Variants in ECRG4 observed in about 807,000 individuals in gnomAD.
ECRG4 encodes the protein augurin.
A neutral mutation model predicts 15.8 loss-of-function variants in ECRG4; 18 were observed. The ratio of observed to expected loss-of-function variants is 1.14; its 90% CI spans 0.79 to 1.69. The LOEUF (loss-of-function observed/expected upper bound fraction) is 1.69. Among genes scored for constraint, ECRG4 ranks in the 40% most tolerant of loss-of-function variants. The pLI, the probability that ECRG4 is intolerant of heterozygous loss-of-function variation, is 0.00. For synonymous variants in ECRG4, 82 were observed against 73.9 expected, an observed-to-expected ratio of 1.11 and a Z score of -0.56; for missense variants, 200 against 190.9, an observed-to-expected ratio of 1.05 and a Z score of -0.28.
intron 2 of ECRG4, 117 bp from the exon 3 acceptor site, chr2:106,073,769 A>T: frequency 8.4e-7 from 1 of 1,188,008 alleles, no homozygotes; most frequent in South Asian, 1.4e-5. Context: ...AATGAAGTTG[A>T]GAGTCAAAAC....
At chr2:106,077,530 C>T (rs1676511586) in intron 3 of ECRG4, among the ~76,000 whole-genome samples, 1 of 152,126 alleles carries the variant, frequency 6.6e-6, no homozygotes, top group Non-Finnish European at 1.5e-5. Context: ...AAATATTTTA[C>T]AAAAGTTTGC....
intron 2 of ECRG4, 57 bp downstream of exon 2, chr2:106,071,948 G>C: frequency 4.9e-6 from 7 of 1,440,450 alleles, no homozygotes; most frequent in African/African-American, 1.4e-5. Flanking sequence ...AAATGAAATG[G>C]CAATATGGAT....
chr2:106,065,454 C>T (rs1280528009), upstream of ECRG4, among the ~76,000 whole-genome samples: 1 of 152,220 alleles, frequency 6.6e-6, no homozygotes, highest in Non-Finnish European at 1.5e-5. Flanking sequence ...CTGCGGGCAG[C>T]GCTGGCCACG....
chr2:106,071,024 G>A lies in ECRG4; in HGVS notation c.80-820G>A, dbSNP rs191065733. ...AGACAAGGTATTTTCTATTAAAAAT[G>A]ATTGAGCTGATCAGAAACACTTTTA... is the stretch of plus-strand genomic sequence containing the variant. On this transcript the variant is annotated intron_variant, in intron 1 of 3. Transcript: ENST00000238044. 6.0e-4 allele frequency: 283 copies of A among 471,144 alleles called. 1 individual carries two copies. Among genetic ancestry groups the A allele is most frequent in the African/African-American group, 4.7e-3 (238 of 50,192 alleles). The allele number at this position is 471,144 out of a possible 1,614,324, so 29.2% of individuals were successfully genotyped here.
In ECRG4 at chr2:106,078,053, T is replaced by C; in HGVS notation, c.*127T>C. 2 of 865,972 alleles carry C rather than the reference T, an allele frequency of 2.3e-6. No homozygotes were observed. The highest frequency in any genetic ancestry group is 5.7e-5 in the South Asian group (2 of 34,792). The allele number at this position is 865,972 out of a possible 1,614,324, so 53.6% of individuals were successfully genotyped here. The stretch of plus-strand genomic sequence containing the variant: ...GATCTTTTCTACCTACTTTGTGTGA[T>C]CAAAAAAGAAGAGTTAAAACAACAC... On this transcript the variant is annotated 3_prime_UTR_variant, in exon 4 of 4. Transcript: ENST00000238044.
chr2:106,064,341 G>C (rs964663281), upstream of ECRG4: 2 of 152,188 alleles, frequency 1.3e-5, no homozygotes, highest in Non-Finnish European at 2.9e-5. Flanking sequence ...ATTGCATGGA[G>C]AGCTAATTAT....
intron 1 of ECRG4, 73 bp downstream of exon 1, chr2:106,065,916 C>G (rs1676202575): frequency 8.5e-6 from 11 of 1,299,558 alleles, no homozygotes; most frequent in Non-Finnish European, 1.1e-5. Flanking sequence ...CCATGGTGCC[C>G]GGGGAGAGCG....
upstream of ECRG4, among the ~76,000 whole-genome samples, chr2:106,063,700 A>T (rs1676147787): frequency 6.6e-6 from 1 of 152,174 alleles, no homozygotes; most frequent in Non-Finnish European, 1.5e-5. Flanking sequence ...CTCCTGCCTC[A>T]GCCTCCCAAG....
Position 106,077,876 on chromosome 2 carries a change from A to G in ECRG4, c.397A>G (p.Ser133Gly). The change falls in exon 4 of 4, where the codon AGC (serine) becomes GGC (glycine). Residue 133 changes from serine to glycine, a missense_variant. Ser to Gly is a moderately conservative substitution (Grantham distance 56). Coordinates refer to ENST00000238044, the MANE Select transcript of ECRG4 (RefSeq NM_032411.3). ...TGAAGACTCTGCAATTGGTCCCCGG[A>G]GCCCCTACGGCTTTAGGCATGGAGC... ...YDEDSAIGPR[S>G]PYGFRHGASV... 2 of 1,614,182 alleles carry G rather than the reference A, an allele frequency of 1.2e-6. No homozygotes were observed. Among genetic ancestry groups the G allele is most frequent in the Non-Finnish European group, 1.7e-6 (2 of 1,180,036 alleles).
At chr2:106,063,880 C>T (rs1422522282), upstream of ECRG4, among the ~76,000 whole-genome samples, 1 of 152,310 alleles carries the variant, frequency 6.6e-6, no homozygotes, top group Non-Finnish European at 1.5e-5. Context: ...CCATGATCCC[C>T]CTTAAGTGAA....
Position 106,077,801 on chromosome 2 carries a change from G to A in ECRG4, c.322G>A (p.Asp108Asn). 6.2e-7 allele frequency: 1 copy of A among 1,614,050 alleles called. No homozygotes were observed. Among genetic ancestry groups the A allele is most frequent in the Non-Finnish European group, 8.5e-7 (1 of 1,179,988 alleles). The change falls in exon 4 of 4, where the codon GAT becomes AAT. Residue 108 changes from aspartate (D) to asparagine (N), a missense_variant. Transcript: ENST00000238044. ...TGACATCACCTATTGGCTTAACAGAGATCGAAATGGACATGAATACTATGG... is the reference window on the plus strand; with the variant it reads ...TGACATCACCTATTGGCTTAACAGAAATCGAAATGGACATGAATACTATGG... ...EDDITYWLNRDRNGHEYYGDY... is the reference protein window; with the variant it reads ...EDDITYWLNRNRNGHEYYGDY...
chr2:106,072,302 C>T (rs1676387102), intron 2 of ECRG4: 1 of 165,420 alleles, frequency 6.0e-6, no homozygotes, highest in Non-Finnish European at 1.3e-5. Flanking sequence ...GGGTTTCAAA[C>T]AGGAAAGCCT....
In ECRG4 at chr2:106,073,915, G is replaced by T; in HGVS notation, c.157G>T (p.Val53Phe). The change falls in exon 3 of 4, where the codon GTT (valine) becomes TTT (phenylalanine). Residue 53 changes from valine (V) to phenylalanine (F), a missense_variant. By Grantham distance (50) the Val-to-Phe change is conservative (BLOSUM62 -1). Coordinates refer to ENST00000238044, the MANE Select transcript of ECRG4 (RefSeq NM_032411.3). ...TGTTCCAACTAAGACTAAAGTGGCC[G>T]TTGATGAGAATAAAGCCAAAGAATT... ...APVPTKTKVAVDENKAKEFLG... is the reference protein window; with the variant it reads ...APVPTKTKVAFDENKAKEFLG... 6.2e-7 allele frequency: 1 copy of T among 1,614,212 alleles called. No homozygotes were observed. Among genetic ancestry groups the T allele is most frequent in the Middle Eastern group, 1.6e-4 (1 of 6,062 alleles).
At chr2:106,067,062 G>GGGA (rs1553411456) in intron 1 of ECRG4, among the ~76,000 whole-genome samples, 2 of 72,908 alleles carry the variant, frequency 2.7e-5, no homozygotes, top group Non-Finnish European at 6.0e-5. Flanking sequence ...GGGAGGCCGG[G>GGGA]GGGGGGGGGG....
upstream of ECRG4, chr2:106,065,644 G>A: frequency 4.4e-6 from 3 of 689,358 alleles, no homozygotes; most frequent in South Asian, 9.8e-5. Flanking sequence ...GTCCCGCCCC[G>A]GCAGCGACGC....
rs575634222 is a variant in ECRG4 at position 106,078,002 on chromosome 2, G to A, written c.*76G>A. 2.3e-5 allele frequency: 32 copies of A among 1,396,172 alleles called. No individual in the cohort carries two copies. The South Asian group carries it at 4.4e-4, about 19-fold the overall frequency. 86.5% of individuals were successfully genotyped at this position (1,396,172 alleles called of 1,614,324 possible). A position where few individuals can be genotyped will look rare whatever the true frequency, so the allele number is the denominator to read the frequency against. On this transcript the variant is annotated 3_prime_UTR_variant, in exon 4 of 4. Coordinates refer to ENST00000238044, the MANE Select transcript of ECRG4 (RefSeq NM_032411.3). ...TATCTCCTAATGCCTTACACTACTT[G>A]GTTTCTGATTTGCTCTATTTCAGCA...
intron 2 of ECRG4, 140 bp downstream of exon 2, chr2:106,072,031 C>T: frequency 3.1e-6 from 2 of 645,544 alleles, no homozygotes; most frequent in South Asian, 4.2e-5. Flanking sequence ...ATATGAAGGG[C>T]TTATTCTGTT....
chr2:106,074,450 A>G (rs966594284), intron 3 of ECRG4, among the ~76,000 whole-genome samples: 33 of 152,348 alleles, frequency 2.2e-4, no homozygotes, highest in Admixed American at 1.4e-3. Flanking sequence ...GGGATCTATG[A>G]TGATAATGAA....
At chr2:106,067,827 C>T (rs1676257349) in intron 1 of ECRG4, among the ~76,000 whole-genome samples, 1 of 150,496 alleles carries the variant, frequency 6.6e-6, no homozygotes, top group Non-Finnish European at 1.5e-5. Flanking sequence ...CTCTTTATGC[C>T]ACCTCCAAAC....
Sources: gnomAD v4.1 joint callset for allele counts (sites outside exome capture counted in the v4.1 genomes callset) on GRCh38, gnomAD v4.1.1 for gene constraint, MANE v1.5 for transcripts, NCBI Gene and HGNC (gene_info 2026-07-23, HGNC 2026-07-21) for gene names.